MOB2: variants seen among roughly 807,000 people sequenced by gnomAD.
MOB2 encodes the protein MOB kinase activator 2, also known as MOB2 Mps One Binder homolog.
Under a neutral mutation model 27.4 loss-of-function variants are expected in MOB2, and 14 were observed. The observed-to-expected ratio is 0.51, with a 90% CI of 0.34 to 0.80. The LOEUF (loss-of-function observed/expected upper bound fraction) is 0.80, where lower values mean the gene tolerates loss of function less well. Among genes scored for constraint, MOB2 ranks in the 30% least tolerant of loss-of-function variants. The pLI, the probability that MOB2 is intolerant of heterozygous loss-of-function variation, is 0.01. For missense variants in MOB2, 304 were observed against 354.6 expected, an observed-to-expected ratio of 0.86 and a Z score of 1.15; for synonymous variants, 167 against 151.8, an observed-to-expected ratio of 1.10 and a Z score of -0.74.
intron 3 of MOB2, among the ~76,000 whole-genome samples, chr11:1,478,694 T>C (rs528466765): frequency 1.3e-5 from 2 of 152,348 alleles, no homozygotes; most frequent in East Asian, 1.9e-4. Flanking sequence ...GCTTCTTAAG[T>C]CTGCAGGTTT....
intron 1 of MOB2, among the ~76,000 whole-genome samples, chr11:1,484,539 C>T (rs562242380): frequency 5.3e-5 from 8 of 152,190 alleles, no homozygotes; most frequent in Non-Finnish European, 7.4e-5. Flanking sequence ...AGTAGCCACC[C>T]GGTACAGAGC....
At chr11:1,484,408 G>A (rs1482378753) in intron 1 of MOB2, among the ~76,000 whole-genome samples, 1 of 152,148 alleles carries the variant, frequency 6.6e-6, no homozygotes, top group Admixed American at 6.5e-5. Flanking sequence ...TCAGCCATCT[G>A]CACCGGGCCC....
rs945604061 is a variant in MOB2, at chr11:1,469,772, A to T, written c.*400T>A. The T allele has an allele frequency of 1.7e-5, 8 of 481,188 alleles. No homozygotes were observed. Among genetic ancestry groups the T allele is most frequent in the African/African-American group, 1.6e-4 (8 of 51,124 alleles). The allele number at this position is 481,188 out of a possible 1,614,324, so 29.8% of individuals were successfully genotyped here. A position where few individuals can be genotyped will look rare whatever the true frequency, so the allele number is the denominator to read the frequency against. On this transcript the variant is annotated 3_prime_UTR_variant, in exon 5 of 5. Coordinates refer to ENST00000329957, the MANE Select transcript of MOB2 (RefSeq NM_001172223.3). ...CTGTGAAAGCAAGCCCCACCCCCAG[A>T]GCAGAGCAGAGACCCAGGTCTGCAA...
rs762793099 is a variant in MOB2 at position 1,470,378 on chromosome 11, C to T, written c.601G>A (p.Glu201Lys). Residue 201 changes from glutamate (E) to lysine (K), a missense_variant, in exon 5 of 5, where the codon GAG (glutamate) becomes AAG (lysine). Glu to Lys is a moderately conservative substitution (Grantham distance 56). Coordinates refer to ENST00000329957, the MANE Select transcript of MOB2 (RefSeq NM_001172223.3). The stretch of plus-strand genomic sequence containing the variant: ...AGCGTGTTCAAGTGTCCGTGCAGCT[C>T]CAGGGCCAGCGTCTCCTTGAAGTGG... ...WAHFKETLAL[E>K]LHGHLNTLYV... 7 of 1,613,664 alleles carry T rather than the reference C, an allele frequency of 4.3e-6. No homozygotes were observed. In the South Asian group the frequency reaches 7.7e-5, roughly 18 times the overall value.
intron 2 of MOB2, 106 bp downstream of exon 2, chr11:1,480,619 C>A: frequency 6.6e-7 from 1 of 1,524,756 alleles, no homozygotes; most frequent in Admixed American, 1.8e-5. Flanking sequence ...ATTCTCCCCT[C>A]GCGGCAGGGG....
Position 1,471,316 on chromosome 11 carries a change from C to T in MOB2, c.469G>A (p.Asp157Asn). Residue 157 changes from aspartate (D) to asparagine (N), a missense_variant, in exon 4 of 5, where the codon GAC (aspartate) becomes AAC (asparagine). By Grantham distance (23) the Asp-to-Asn change is conservative. Coordinates refer to ENST00000329957, the MANE Select transcript of MOB2 (RefSeq NM_001172223.3). ...SSVQKLVTDE[D>N]VFPTKYGREF... Reference sequence around the variant, plus strand: ...GAACCGTATTTTGTGGGGAACACGTCCTCATCCGTCACCAGCTTCTGCACG... The same window carrying T: ...GAACCGTATTTTGTGGGGAACACGTTCTCATCCGTCACCAGCTTCTGCACG... 1 of 1,613,342 alleles carries T rather than the reference C, an allele frequency of 6.2e-7. No individual in the cohort carries two copies. The highest frequency in any genetic ancestry group is 8.5e-7 in the Non-Finnish European group (1 of 1,179,740).
rs1339555585 is a variant in MOB2, at chr11:1,470,019, C to T, written c.*153G>A. ...CACAGGACACGGCCGGGGCCGTCTG[C>T]GTCTGTGCCTGTGCAGCCCACACCA... On this transcript the variant is annotated 3_prime_UTR_variant, in exon 5 of 5. Coordinates refer to ENST00000329957, the MANE Select transcript of MOB2 (RefSeq NM_001172223.3). 19 of 1,529,970 alleles carry T rather than the reference C, an allele frequency of 1.2e-5. No homozygotes were observed. The highest frequency in any genetic ancestry group is 1.7e-4 in the Middle Eastern group (1 of 5,972). 94.8% of individuals were successfully genotyped at this position (1,529,970 alleles called of 1,614,324 possible). A position where few individuals can be genotyped will look rare whatever the true frequency, so the allele number is the denominator to read the frequency against.
At chr11:1,476,402 C>T (rs1247058697) in intron 3 of MOB2, among the ~76,000 whole-genome samples, 2 of 152,178 alleles carry the variant, frequency 1.3e-5, no homozygotes, top group African/African-American at 4.8e-5. Flanking sequence ...TTTTCCAATA[C>T]TTCCTTATTA....
At chr11:1,470,824 G>C (rs1847779715) in intron 4 of MOB2, among the ~76,000 whole-genome samples, 2 of 152,236 alleles carry the variant, frequency 1.3e-5, no homozygotes, top group Non-Finnish European at 2.9e-5. Flanking sequence ...GTGTCTCCCT[G>C]ATGGACACTT....
In MOB2 at chr11:1,471,386, C is replaced by T; in HGVS notation, c.399G>A (p.Lys133=). Residue 133 remains lysine (K), a synonymous_variant, in exon 4 of 5, where the codon AAG becomes AAA. Coordinates refer to ENST00000329957, the MANE Select transcript of MOB2 (RefSeq NM_001172223.3). ...CGTACTGTGGGGCCGTGCACTTGAC[C>T]TTCTTCCCCCGCTCGTCATACCAGT... ...QYYWYDERGK[K]VKCTAPQYVD... is the part of the protein sequence containing the mutation. 1 of 1,613,496 alleles carries T rather than the reference C, an allele frequency of 6.2e-7. No homozygotes were observed. The highest frequency in any genetic ancestry group is 8.5e-7 in the Non-Finnish European group (1 of 1,179,774).
chr11:1,469,494 TGAA>T lies in MOB2; in HGVS notation c.*675_*677del, dbSNP rs1043531082. On this transcript the variant is annotated 3_prime_UTR_variant, in exon 5 of 5. Coordinates refer to ENST00000329957, the MANE Select transcript of MOB2 (RefSeq NM_001172223.3). ...ATTCTTTTTATTACGAGTGAACAGA[TGAA>T]CTAAGGTAAGCGGGTCTCAGCCTTC... The T allele has an allele frequency of 2.2e-6, 1 of 448,740 alleles. No homozygotes were observed. The highest frequency in any genetic ancestry group is 2.0e-5 in the African/African-American group (1 of 49,636). 27.8% of individuals were successfully genotyped at this position (448,740 alleles called of 1,614,324 possible). A position where few individuals can be genotyped will look rare whatever the true frequency, so the allele number is the denominator to read the frequency against.
intron 3 of MOB2, 152 bp from the exon 4 acceptor site, chr11:1,471,571 G>T: frequency 1.2e-6 from 1 of 847,908 alleles, no homozygotes; most frequent in Non-Finnish European, 1.8e-6. Context: ...CATGCACACT[G>T]TCCCCACACA....
chr11:1,478,109 A>G (rs958594150), intron 3 of MOB2, among the ~76,000 whole-genome samples: 3 of 152,180 alleles, frequency 2.0e-5, no homozygotes, highest in Non-Finnish European at 2.9e-5. Flanking sequence ...GCACCCACAC[A>G]TGTGCTTCCA....
At chr11:1,485,014 C>A (rs912246054) in intron 1 of MOB2, among the ~76,000 whole-genome samples, 1 of 152,212 alleles carries the variant, frequency 6.6e-6, no homozygotes, top group African/African-American at 2.4e-5. Context: ...AAGGAACGCC[C>A]GCAGACATCC....
chr11:1,477,090 G>A (rs1004373503), intron 3 of MOB2, among the ~76,000 whole-genome samples: 7 of 152,124 alleles, frequency 4.6e-5, no homozygotes, highest in Non-Finnish European at 7.4e-5. Context: ...TCCAACCCAC[G>A]GGTGGGGTCA....
At chr11:1,481,235 T>G (rs1164939434) in intron 1 of MOB2, 3 of 370,984 alleles carry the variant, frequency 8.1e-6, no homozygotes, top group African/African-American at 6.3e-5. Flanking sequence ...AGTTTTCCAG[T>G]GCTCTTGGAA....
At chr11:1,474,707 G>A (rs962331379) in intron 3 of MOB2, among the ~76,000 whole-genome samples, 8 of 151,958 alleles carry the variant, frequency 5.3e-5, no homozygotes, top group African/African-American at 1.5e-4. Context: ...GTCTATCTCC[G>A]GACTCTCCAT....
intron 1 of MOB2, among the ~76,000 whole-genome samples, chr11:1,482,583 G>T (rs1188776349): frequency 6.6e-6 from 1 of 152,218 alleles, no homozygotes; most frequent in Non-Finnish European, 1.5e-5. Flanking sequence ...CAGAAGAAAA[G>T]TACGCACGAG....
At position 1,472,855 on chromosome 11, in the gene MOB2, C is replaced by T. The variant is rs191598568; in HGVS notation, c.366-1436G>A. The T allele has an allele frequency of 9.4e-3, 1,468 of 155,908 alleles. 19 individuals carry two copies. Among genetic ancestry groups the T allele is most frequent in the African/African-American group, 0.038 (1,387 of 36,832 alleles). The allele number at this position is 155,908 out of a possible 1,614,324, so 9.7% of individuals were successfully genotyped here. A position where few individuals can be genotyped will look rare whatever the true frequency, so the allele number is the denominator to read the frequency against. On this transcript the variant is annotated intron_variant, in intron 3 of 4. Coordinates refer to ENST00000329957, the MANE Select transcript of MOB2 (RefSeq NM_001172223.3). ...GCACAGGGCCTCCAGCGTCTCCGGGCACAGGGCCTCCAGCATCTCTGGGCA... is the reference window on the plus strand; with the variant it reads ...GCACAGGGCCTCCAGCGTCTCCGGGTACAGGGCCTCCAGCATCTCTGGGCA...
Sources: allele counts gnomAD v4.1 joint callset (sites outside exome capture counted in the v4.1 genomes callset), GRCh38; gene constraint gnomAD v4.1.1; transcripts MANE v1.5; gene names NCBI Gene and HGNC (gene_info 2026-07-23, HGNC 2026-07-21).